RDX: variants seen among roughly 807,000 people sequenced by gnomAD.
RDX encodes the protein deafness, autosomal recessive 24.
Under a neutral mutation model 83.7 loss-of-function variants are expected in RDX, and 32 were observed. The ratio of observed to expected loss-of-function variants is 0.38; its 90% CI spans 0.29 to 0.51. RDX has a LOEUF of 0.51. Ranked by LOEUF, RDX falls within the 20% of genes least tolerant of loss-of-function variation. The pLI, the probability that RDX is intolerant of heterozygous loss-of-function variation, is 0.87. For missense variants in RDX, 600 were observed against 689.9 expected, an observed-to-expected ratio of 0.87 and a Z score of 1.46; for synonymous variants, 229 against 222.7, an observed-to-expected ratio of 1.03 and a Z score of -0.25.
intron 1 of RDX, among the ~76,000 whole-genome samples, chr11:110,282,331 C>T (rs148406134): frequency 6.4e-4 from 98 of 152,144 alleles, no homozygotes; most frequent in East Asian, 1.2e-3. Context: ...TCCTAAGTTA[C>T]GTGGGCAATA....
At chr11:110,283,805 TAAA>T (rs1033189744) in intron 1 of RDX, among the ~76,000 whole-genome samples, 2 of 152,026 alleles carry the variant, frequency 1.3e-5, no homozygotes, top group African/African-American at 4.8e-5. Flanking sequence ...TAGGTTATAA[TAAA>T]AACAGATAAA....
chr11:110,245,761 T>C (rs190775531), intron 10 of RDX, among the ~76,000 whole-genome samples: 122 of 152,312 alleles, frequency 8.0e-4, no homozygotes, highest in Admixed American at 3.3e-3. Context: ...TCCAGGAGAA[T>C]AGGAACTCTT....
chr11:110,243,441 G>A (rs1865179767), intron 10 of RDX, among the ~76,000 whole-genome samples: 1 of 152,152 alleles, frequency 6.6e-6, no homozygotes, highest in Admixed American at 6.5e-5. Context: ...TCCATGTCTG[G>A]GCACAGTGGC....
intron 14 of RDX, among the ~76,000 whole-genome samples, chr11:110,205,152 TTAAA>T (rs1236693041): frequency 2.6e-5 from 4 of 151,918 alleles, no homozygotes; most frequent in Non-Finnish European, 4.4e-5. Flanking sequence ...GGATGAACTG[TTAAA>T]TAAAGTATCA....
chr11:110,191,440 C>T (rs1323279199), intron 15 of RDX, among the ~76,000 whole-genome samples: 1 of 152,186 alleles, frequency 6.6e-6, no homozygotes, highest in Admixed American at 6.5e-5. Context: ...ATAAGAAGAG[C>T]CATCTATAAC....
intron 13 of RDX, 85 bp downstream of exon 13, chr11:110,233,152 T>C: frequency 6.5e-7 from 1 of 1,540,938 alleles, no homozygotes; most frequent in Non-Finnish European, 8.9e-7. Context: ...TTAAAACTTC[T>C]ATATTCTTTT....
intron 3 of RDX, among the ~76,000 whole-genome samples, chr11:110,268,398 A>G (rs1193904383): frequency 1.3e-5 from 2 of 152,204 alleles, no homozygotes; most frequent in Non-Finnish European, 2.9e-5. Context: ...AAGCTGATCA[A>G]TGTCAAACAA....
intron 3 of RDX, among the ~76,000 whole-genome samples, chr11:110,270,123 CGTGTGTGT>C (rs371748018): frequency 1.3e-5 from 2 of 151,216 alleles, no homozygotes; most frequent in Non-Finnish European, 3.0e-5. Flanking sequence ...TGCATGTGTG[CGTGTGTGT>C]GTGTGTAGTC....
At chr11:110,192,308 TG>T (rs980290224) in intron 15 of RDX, among the ~76,000 whole-genome samples, 3 of 152,182 alleles carry the variant, frequency 2.0e-5, no homozygotes, top group African/African-American at 7.2e-5. Context: ...ATTTAATAAA[TG>T]GTGTTGGGAT....
chr11:110,274,515 C>CT (rs896820245), intron 2 of RDX, among the ~76,000 whole-genome samples: 6 of 151,988 alleles, frequency 3.9e-5, no homozygotes, highest in East Asian at 1.9e-4. Flanking sequence ...CAACTACACA[C>CT]TTTTTTTTCC....
intron 9 of RDX, among the ~76,000 whole-genome samples, chr11:110,248,572 T>C (rs971603667): frequency 2.6e-5 from 4 of 152,194 alleles, no homozygotes; most frequent in African/African-American, 7.2e-5. Context: ...TATTCCTGCA[T>C]ATAGAACATG....
At chr11:110,293,774 G>A (rs1861338383) in intron 1 of RDX, among the ~76,000 whole-genome samples, 3 of 152,132 alleles carry the variant, frequency 2.0e-5, no homozygotes, top group African/African-American at 7.2e-5. Context: ...GAAGTAACAC[G>A]AAATTATATT....
At position 110,264,149 on chromosome 11, in the gene RDX, A is replaced by G. The variant is rs1859925209; in HGVS notation, c.278T>C (p.Leu93Ser). The change falls in exon 5 of 14, where the codon TTA (leucine) becomes TCA (serine). Residue 93 changes from leucine (L) to serine (S), a missense_variant. By Grantham distance (145) the Leu-to-Ser change is moderately radical. Coordinates refer to ENST00000645495, the MANE Select transcript of RDX (RefSeq NM_002906.4). Reference sequence around the variant, plus strand: ...GAGTCTCTGGGTTATTTCTTGAATTAATTCCTCAGAAACATCTTCAGGAAA... The same window carrying G: ...GAGTCTCTGGGTTATTTCTTGAATTGATTCCTCAGAAACATCTTCAGGAAA... ...KFFPEDVSEELIQEITQRLFF... is the reference protein window; with the variant it reads ...KFFPEDVSEESIQEITQRLFF... 6.2e-7 allele frequency: 1 copy of G among 1,612,352 alleles called. No individual in the cohort carries two copies. The highest frequency in any genetic ancestry group is 8.5e-7 in the Non-Finnish European group (1 of 1,178,376).
At chr11:110,226,965 T>C (rs1307556975), downstream of RDX, among the ~76,000 whole-genome samples, 1 of 152,162 alleles carries the variant, frequency 6.6e-6, no homozygotes, top group East Asian at 1.9e-4. Flanking sequence ...GTAAGTTTCC[T>C]TCATCTCAAA....
intron 15 of RDX, among the ~76,000 whole-genome samples, chr11:110,181,495 AGCTATGTGAGGTTG>A (rs1422370882): frequency 6.6e-6 from 1 of 151,868 alleles, no homozygotes; most frequent in Non-Finnish European, 1.5e-5. Flanking sequence ...TAAGGTCGTG[AGCTATGTGAGGTTG>A]GCCCCTTCCC....
downstream of RDX, chr11:110,229,317 T>C (rs1864536656): frequency 6.6e-6 from 1 of 152,334 alleles, no homozygotes; most frequent in African/African-American, 2.4e-5. Flanking sequence ...AGTAGATCTA[T>C]GAGGATTTAA....
At chr11:110,277,501 G>C (rs1860569168) in intron 2 of RDX, among the ~76,000 whole-genome samples, 1 of 152,016 alleles carries the variant, frequency 6.6e-6, no homozygotes, top group South Asian at 2.1e-4. Flanking sequence ...TGTACTTTCA[G>C]TAGAGATGGG....
chr11:110,175,937 G>C (rs1484288223), intron 15 of RDX, among the ~76,000 whole-genome samples: 1 of 152,180 alleles, frequency 6.6e-6, no homozygotes, highest in Admixed American at 6.5e-5. Context: ...CAAGATGCCT[G>C]TTCTAGTCCA....
At chr11:110,262,313 G>C (rs1859838458) in intron 5 of RDX, among the ~76,000 whole-genome samples, 1 of 152,170 alleles carries the variant, frequency 6.6e-6, no homozygotes, top group South Asian at 2.1e-4. Context: ...GGCTGAGCAT[G>C]GTGACTCACG....
Sources: allele counts gnomAD v4.1 joint callset (sites outside exome capture counted in the v4.1 genomes callset), GRCh38; gene constraint gnomAD v4.1.1; transcripts MANE v1.5; gene names NCBI Gene and HGNC (gene_info 2026-07-23, HGNC 2026-07-21).